The following RIF1 variants were observed in gnomAD, a reference collection of about 807,000 sequenced individuals.
RIF1 encodes replication timing regulatory factor 1, also known as telomere-associated protein RIF1.
RIF1 carries 45 observed loss-of-function variants against 247.1 expected under a neutral mutation model. The observed-to-expected ratio is 0.18, with a 90% CI of 0.14 to 0.23. RIF1 has a LOEUF of 0.23. RIF1 is among the 10% of genes least tolerant of loss of function. The pLI, the probability that RIF1 is intolerant of heterozygous loss-of-function variation, is 1.00. For missense variants in RIF1, 2,967 were observed against 2,862.5 expected (o/e 1.04, Z -0.83); for synonymous variants, 1,087 against 978.8 (o/e 1.11, Z -2.06).
intron 15 of RIF1, among the ~76,000 whole-genome samples, chr2:151,440,514 G>C (rs1692092381): frequency 6.6e-6 from 1 of 151,904 alleles, no homozygotes; most frequent in Non-Finnish European, 1.5e-5. Flanking sequence ...AATGACTTTG[G>C]TATTAAAACC....
rs1411869048 is a variant in RIF1 at position 151,493,270 on chromosome 2, T to A, written c.*416-1959T>A. Reference sequence around the variant, plus strand: ...TTAAAATTTTAGTGTGTTTTTCAGTTGAATGAGAAAGGCGTGTTTTTATGA... The same window carrying A: ...TTAAAATTTTAGTGTGTTTTTCAGTAGAATGAGAAAGGCGTGTTTTTATGA... On this transcript the variant is annotated intron_variant and NMD_transcript_variant, in intron 9 of 13. Transcript: ENST00000454583. The A allele has an allele frequency of 4.7e-6, 5 of 1,064,126 alleles. No homozygotes were observed. The East Asian group carries it at 1.0e-4, about 22-fold the overall frequency. The allele number at this position is 1,064,126 out of a possible 1,614,324, so 65.9% of individuals were successfully genotyped here. A position where few individuals can be genotyped will look rare whatever the true frequency, so the allele number is the denominator to read the frequency against.
In RIF1 at chr2:151,443,317, T is replaced by C; in HGVS notation, c.1793T>C (p.Val598Ala). The C allele has an allele frequency of 4.4e-6, 7 of 1,592,802 alleles. No individual in the cohort carries two copies. Among genetic ancestry groups the C allele is most frequent in the Non-Finnish European group, 6.0e-6 (7 of 1,162,006 alleles). ...LIFNNFLECG[V>A]SDERFFLSLE... ...TTCAACAATTTCTTGGAATGTGGTG[T>C]ATCAGATGAAAGGTAAGTTTGTACT... is the stretch of plus-strand genomic sequence containing the variant. The change falls in exon 17 of 36, where the codon GTA (valine) becomes GCA (alanine). Residue 598 changes from valine to alanine, a missense_variant. This residue lies in a region of RIF1 where 369 missense variants were observed against 322.0 expected (regional missense o/e 1.15). Transcript: ENST00000444746.
At chr2:151,426,696 T>C (rs1053069210) in intron 8 of RIF1, among the ~76,000 whole-genome samples, 1 of 151,364 alleles carries the variant, frequency 6.6e-6, no homozygotes, top group Non-Finnish European at 1.5e-5. Flanking sequence ...AGAGTCTCGC[T>C]CTGTTGTCCT....
chr2:151,441,085 T>A (rs1692217435), intron 15 of RIF1, among the ~76,000 whole-genome samples: 2 of 152,160 alleles, frequency 1.3e-5, no homozygotes, highest in African/African-American at 4.8e-5. Context: ...TAGCCAGGCA[T>A]GCTGACATGC....
the RIF1 span, chr2:151,529,074 A>G: frequency 4.4e-6 from 3 of 684,780 alleles, no homozygotes; most frequent in Admixed American, 5.5e-5. Flanking sequence ...ATCATTGTTC[A>G]TGCTCCTGGG....
chr2:151,411,138 A>C (rs1003947694), intron 2 of RIF1, 122 bp from the exon 3 acceptor site: 1 of 647,874 alleles, frequency 1.5e-6, no homozygotes, highest in Non-Finnish European at 2.8e-6. Context: ...GACCTTACCT[A>C]CTGGGTCAAT....
intron 30 of RIF1, among the ~76,000 whole-genome samples, chr2:151,467,662 GTCTT>G (rs1697160599): frequency 6.6e-6 from 1 of 152,120 alleles, no homozygotes. Flanking sequence ...TTTTACATCA[GTCTT>G]CTTTCTAGTC....
At chr2:151,504,281 G>A (rs2153139732) in intron 12 of RIF1, among the ~76,000 whole-genome samples, 1 of 152,270 alleles carries the variant, frequency 6.6e-6, no homozygotes. Context: ...TTGCAAGGAA[G>A]CTTCTAGGAA....
the RIF1 span, chr2:151,518,239 G>T: frequency 2.0e-6 from 2 of 999,876 alleles, no homozygotes; most frequent in African/African-American, 1.6e-5. Context: ...AAACAATGGA[G>T]GGAATCTATG....
At position 151,464,103 on chromosome 2, in the gene RIF1, A is replaced by AACT; in HGVS notation, c.4585_4587dup (p.Leu1529dup). 6.2e-7 allele frequency: 1 copy of AACT among 1,612,810 alleles called. No homozygotes were observed. Among genetic ancestry groups the AACT allele is most frequent in the Non-Finnish European group, 8.5e-7 (1 of 1,179,726 alleles). ...GACATTGTAGATAAGTCCTCTGAGA[A>AACT]ACTAGTCAGAGGCCGAACACGGTAT... On this transcript the variant is annotated inframe_insertion, in exon 30 of 36. Transcript: ENST00000444746.
At chr2:151,437,137 A>G (rs1251059547) in intron 12 of RIF1, 104 bp from the exon 13 acceptor site, 1 of 1,218,928 alleles carries the variant, frequency 8.2e-7, no homozygotes, top group Non-Finnish European at 1.2e-6. Context: ...TCTTTTTTTT[A>G]TAGAAAACAC....
In RIF1 at chr2:151,446,556, T is replaced by G. The variant is rs1275815618; in HGVS notation, c.2225T>G (p.Leu742Trp). The change falls in exon 20 of 36, where the codon TTG becomes TGG. Residue 742 changes from leucine (L) to tryptophan (W), a missense_variant. Coordinates refer to ENST00000444746, the MANE Select transcript of RIF1 (RefSeq NM_018151.5). ...CTTTCTTCCAAGATAATGTCCAGTTTGGAAGATGAAGGCTTTTCTGTGAGT... is the reference window on the plus strand; with the variant it reads ...CTTTCTTCCAAGATAATGTCCAGTTGGGAAGATGAAGGCTTTTCTGTGAGT... ...EELSSKIMSS[L>W]EDEGFSNLLF... 1.9e-6 allele frequency: 3 copies of G among 1,612,666 alleles called. No homozygotes were observed. In the South Asian group the frequency reaches 3.3e-5, roughly 18 times the overall value.
chr2:151,439,606 T>C lies in RIF1; in HGVS notation c.1547-421T>C, dbSNP rs937868725. On this transcript the variant is annotated intron_variant, in intron 14 of 35. Coordinates refer to ENST00000444746, the MANE Select transcript of RIF1 (RefSeq NM_018151.5). ...ATTGCTTGAACCTGGGAGGCGGAGG[T>C]TGCAGTGAGCTGAGATGGCGCCATT... Among the ~76,000 whole-genome samples the C allele has an allele frequency of 2.0e-5, 3 of 148,472 alleles. No homozygotes were observed. In the Admixed American group the frequency reaches 2.0e-4, roughly 10 times the overall value.
intron 14 of RIF1, among the ~76,000 whole-genome samples, chr2:151,439,525 A>ATGG (rs1558970355): frequency 6.6e-6 from 1 of 151,822 alleles, no homozygotes; most frequent in Non-Finnish European, 1.5e-5. Context: ...TTAGCCAGAC[A>ATGG]TGGTGGTGCA....
At chr2:151,525,747 G>A in the RIF1 span, among the ~76,000 whole-genome samples, 3 of 152,180 alleles carry the variant, frequency 2.0e-5, no homozygotes, top group Admixed American at 6.5e-5. Context: ...TACATGTCCT[G>A]TAGCAAAACC....
intron 30 of RIF1, among the ~76,000 whole-genome samples, chr2:151,466,475 C>T (rs1696902933): frequency 6.6e-6 from 1 of 152,038 alleles, no homozygotes; most frequent in Non-Finnish European, 1.5e-5. Flanking sequence ...ATTGATAAAG[C>T]AGATTTAGTA....
Position 151,411,269 on chromosome 2 carries a change from T to G in RIF1, c.114T>G (p.Thr38=), listed in dbSNP as rs1445019436. 4 of 1,596,174 alleles carry G rather than the reference T, an allele frequency of 2.5e-6. No individual in the cohort carries two copies. The change falls in exon 3 of 36, where the codon ACT becomes ACG. Residue 38 remains threonine, a synonymous_variant. Coordinates refer to ENST00000444746, the MANE Select transcript of RIF1 (RefSeq NM_018151.5). ...CTTCCTGCTTTTTAAGTCGTATGAC[T>G]GGAGAAGAAGGAAAAGAAGTAATTA... ...DAYLTLTSRM[T]GEEGKEVITE...
chr2:151,452,556 A>C (rs1465271121), intron 21 of RIF1, among the ~76,000 whole-genome samples: 1 of 152,226 alleles, frequency 6.6e-6, no homozygotes, highest in Non-Finnish European at 1.5e-5. Flanking sequence ...GTAACATGTT[A>C]AGCTCCTGAA....
chr2:151,422,936 G>T lies in RIF1; in HGVS notation c.694-14G>T. On this transcript the variant is annotated splice_polypyrimidine_tract_variant and intron_variant, in intron 7 of 35. Coordinates refer to ENST00000444746, the MANE Select transcript of RIF1 (RefSeq NM_018151.5). ...TAAGAGTCTGTTTGGTAAATTAATTGCTTTTGTTTGCAGAAATTAATCTCA... is the reference window on the plus strand; with the variant it reads ...TAAGAGTCTGTTTGGTAAATTAATTTCTTTTGTTTGCAGAAATTAATCTCA... 2.2e-6 allele frequency: 3 copies of T among 1,355,844 alleles called. No individual in the cohort carries two copies. Among genetic ancestry groups the T allele is most frequent in the Non-Finnish European group, 3.1e-6 (3 of 957,526 alleles). The allele number at this position is 1,355,844 out of a possible 1,614,324, so 84.0% of individuals were successfully genotyped here.
Sources: allele counts gnomAD v4.1 joint callset (sites outside exome capture counted in the v4.1 genomes callset), GRCh38; gene constraint gnomAD v4.1.1; regional missense constraint gnomAD v4.1.1; transcripts MANE v1.5; gene names NCBI Gene and HGNC (gene_info 2026-07-23, HGNC 2026-07-21).